Variants in ATM observed in about 807,000 individuals in gnomAD.
ATM encodes the protein ATM serine/threonine kinase.
In ATM, 308 loss-of-function variants were observed where a neutral mutation model predicts 387.0. The observed-to-expected ratio is 0.80, with a 90% CI of 0.73 to 0.87. ATM has a LOEUF of 0.87. Ranked by LOEUF, ATM falls within the 40% of genes least tolerant of loss-of-function variation. The probability of loss-of-function intolerance (pLI) is 0.00; values close to 1 mark genes in which losing one functional copy is unlikely to be tolerated. For missense variants in ATM, 3,312 were observed against 3,560.9 expected (o/e 0.93, Z 1.78); for synonymous variants, 1,156 against 1,187.3 (o/e 0.97, Z 0.54).
intron 16 of ATM, among the ~76,000 whole-genome samples, chr11:108,262,220 G>T (rs947054664): frequency 3.3e-5 from 5 of 152,198 alleles, no homozygotes; most frequent in African/African-American, 1.2e-4. Context: ...AACATGTTAA[G>T]GGCAGCCAGA....
In ATM at chr11:108,244,229, A is replaced by G. The variant is rs2079718257; in HGVS notation, c.662+111A>G. ...CTACCTTAAAATAAAACATTGATCC[A>G]TCATAACAGAACTAGTGGATTCCTA... On this transcript the variant is annotated intron_variant, in intron 6 of 62. Coordinates refer to ENST00000675843, the MANE Select transcript of ATM (RefSeq NM_000051.4). 5 of 1,264,182 alleles carry G rather than the reference A, an allele frequency of 4.0e-6. No homozygotes were observed. The East Asian group carries it at 1.2e-4, about 31-fold the overall frequency. 78.3% of individuals were successfully genotyped at this position (1,264,182 alleles called of 1,614,324 possible).
chr11:108,317,693 A>G (rs2084864592), intron 43 of ATM, among the ~76,000 whole-genome samples, 172 bp downstream of exon 43: 1 of 143,130 alleles, frequency 7.0e-6, no homozygotes, highest in Admixed American at 7.0e-5. Flanking sequence ...TATACATACC[A>G]TATATATAGT....
intron 45 of ATM, among the ~76,000 whole-genome samples, chr11:108,322,067 C>G (rs994174264): frequency 6.6e-6 from 1 of 152,158 alleles, no homozygotes; most frequent in African/African-American, 2.4e-5. Flanking sequence ...TTATCTCTGC[C>G]TTGCTAAACT....
chr11:108,247,752 C>T (rs600691), intron 8 of ATM, among the ~76,000 whole-genome samples: 7 of 151,722 alleles, frequency 4.6e-5, no homozygotes, highest in African/African-American at 1.5e-4. Flanking sequence ...CCTGCCACCA[C>T]GCCCAGCTAA....
intron 15 of ATM, 118 bp downstream of exon 15, chr11:108,257,724 A>G (rs970220137): frequency 4.8e-6 from 5 of 1,031,014 alleles, no homozygotes; most frequent in South Asian, 2.7e-5. Flanking sequence ...GTTTCCAGCA[A>G]TTCTCCTGCC....
Position 108,315,829 on chromosome 11 carries a change from C to T in ATM, c.6013C>T (p.Leu2005Phe). The stretch of plus-strand genomic sequence containing the variant: ...GTTGTTTCCATGTTTTCAGGATCTT[C>T]TCTTAGAAATCTACAGAAGTATAGG... ...EETGISLQDL[L>F]LEIYRSIGEP... Residue 2005 changes from leucine (L) to phenylalanine (F), a missense_variant, in exon 41 of 63, where the codon CTC (leucine) becomes TTC (phenylalanine). Physicochemically the swap from Leu to Phe is conservative, Grantham distance 22. This residue lies in a region of ATM where 1,405 missense variants were observed against 1,604.4 expected (regional missense o/e 0.88). Transcript: ENST00000675843. 1.2e-6 allele frequency: 2 copies of T among 1,611,242 alleles called. No homozygotes were observed. The highest frequency in any genetic ancestry group is 1.3e-5 in the African/African-American group (1 of 74,862).
At chr11:108,245,246 G>T (rs929313530) in intron 7 of ATM, among the ~76,000 whole-genome samples, 1 of 152,016 alleles carries the variant, frequency 6.6e-6, no homozygotes, top group African/African-American at 2.4e-5. Context: ...ACAATATTAG[G>T]TATTATGGGA....
At chr11:108,286,392 G>C (rs1287418369) in intron 26 of ATM, among the ~76,000 whole-genome samples, 2 of 148,896 alleles carry the variant, frequency 1.3e-5, no homozygotes, top group East Asian at 2.0e-4. Flanking sequence ...AACAAAGCCA[G>C]AGATTTACTG....
At chr11:108,241,245 G>T (rs1199567914) in intron 5 of ATM, among the ~76,000 whole-genome samples, 1 of 152,014 alleles carries the variant, frequency 6.6e-6, no homozygotes, top group East Asian at 1.9e-4. Context: ...ACCTCCTAAA[G>T]GACCTACCTG....
intron 50 of ATM, among the ~76,000 whole-genome samples, chr11:108,331,016 T>G (rs1042755060): frequency 6.6e-6 from 1 of 152,194 alleles, no homozygotes; most frequent in Non-Finnish European, 1.5e-5. Context: ...AGGAAAATAA[T>G]AAGACTCATA....
intron 61 of ATM, among the ~76,000 whole-genome samples, chr11:108,357,154 TC>T (rs2090064966): frequency 6.6e-6 from 1 of 152,146 alleles, no homozygotes; most frequent in African/African-American, 2.4e-5. Flanking sequence ...GTCAGGGAGT[TC>T]CCTTTCCTAG....
rs533509929 is a variant in ATM, at chr11:108,247,929, CCTT to C, written c.1065+806_1065+808del. On this transcript the variant is annotated intron_variant, in intron 8 of 62. Coordinates refer to ENST00000675843, the MANE Select transcript of ATM (RefSeq NM_000051.4). ...TTATCATCCCAAAAGAAACCTCATCCCTTCTTAGCATTCAGTCCCAATTCCCTG... is the reference window on the plus strand; with the variant it reads ...TTATCATCCCAAAAGAAACCTCATCCCTTAGCATTCAGTCCCAATTCCCTG... 2.1e-3 allele frequency among the ~76,000 whole-genome samples: 320 copies of C among 152,138 alleles called. 3 individuals are homozygous for C. Among genetic ancestry groups the C allele is most frequent in the African/African-American group, 6.6e-3 (274 of 41,524 alleles).
At chr11:108,301,138 G>T (rs2083408814) in intron 34 of ATM, among the ~76,000 whole-genome samples, 1 of 151,998 alleles carries the variant, frequency 6.6e-6, no homozygotes, top group Non-Finnish European at 1.5e-5. Context: ...CAGAAAATTT[G>T]CGAGCATTAA....
At chr11:108,240,166 T>G (rs1038847735) in intron 5 of ATM, among the ~76,000 whole-genome samples, 1 of 152,210 alleles carries the variant, frequency 6.6e-6, no homozygotes, top group African/African-American at 2.4e-5. Context: ...TTTTGACAAG[T>G]GTTTTGACAT....
intron 16 of ATM, among the ~76,000 whole-genome samples, chr11:108,261,729 CT>C (rs2135448464): frequency 6.6e-6 from 1 of 152,016 alleles, no homozygotes; most frequent in Admixed American, 6.5e-5. Context: ...AAGTTGAAAA[CT>C]TTGAAAAAAA....
At chr11:108,291,310 GATTTT>G (rs1235319458) in intron 29 of ATM, among the ~76,000 whole-genome samples, 1 of 152,194 alleles carries the variant, frequency 6.6e-6, no homozygotes, top group African/African-American at 2.4e-5. Context: ...CTTTTCCATT[GATTTT>G]AATGAGATTT....
chr11:108,319,995 A>T lies in ATM; in HGVS notation c.6389A>T (p.Asn2130Ile), dbSNP rs2136220181. The T allele has an allele frequency of 6.2e-7, 1 of 1,612,922 alleles. No homozygotes were observed. Among genetic ancestry groups the T allele is most frequent in the South Asian group, 1.1e-5 (1 of 91,050 alleles). The change falls in exon 44 of 63, where the codon AAT (asparagine) becomes ATT (isoleucine). Residue 2130 changes from asparagine (N) to isoleucine (I), a missense_variant. Physicochemically the swap from Asn to Ile is moderately radical, Grantham distance 149. This residue lies in a region of ATM where 1,405 missense variants were observed against 1,604.4 expected (regional missense o/e 0.88). Transcript: ENST00000675843. Reference protein sequence around the residue: ...EGTSYHESLYNALQSLRDREF... With the variant: ...EGTSYHESLYIALQSLRDREF... ...ACCAGTTACCATGAATCATTGTACA[A>T]TGCTCTACAATCTCTAAGAGACAGA... is the stretch of plus-strand genomic sequence containing the variant.
chr11:108,233,187 G>C (rs780019542), intron 4 of ATM, among the ~76,000 whole-genome samples: 78 of 152,152 alleles, frequency 5.1e-4, no homozygotes, highest in Middle Eastern at 3.4e-3. Context: ...GTTAGCATTT[G>C]TCTGCTTTTG....
chr11:108,293,557 T>A, intron 31 of ATM, 80 bp downstream of exon 31: 1 of 1,238,186 alleles, frequency 8.1e-7, no homozygotes, highest in Non-Finnish European at 1.2e-6. Context: ...GCTCTAGCAG[T>A]AAAAAATGGA....
Sources: gnomAD v4.1 joint callset for allele counts (sites outside exome capture counted in the v4.1 genomes callset) on GRCh38, gnomAD v4.1.1 for gene constraint, gnomAD v4.1.1 regional missense constraint, MANE v1.5 for transcripts, NCBI Gene and HGNC (gene_info 2026-07-23, HGNC 2026-07-21) for gene names.